The following NPHP4 variants were observed in gnomAD, a reference collection of about 807,000 sequenced individuals.
NPHP4 encodes the protein nephrocystin-4.
Under a neutral mutation model 155.8 loss-of-function variants are expected in NPHP4, and 151 were observed. The ratio of observed to expected loss-of-function variants is 0.97; its 90% confidence interval spans 0.85 to 1.11. The LOEUF (loss-of-function observed/expected upper bound fraction) is 1.11. NPHP4 is among the 50% of genes least tolerant of loss of function. The pLI is 0.00. For synonymous variants in NPHP4, 845 were observed against 816.8 expected, an observed-to-expected ratio of 1.03 and a Z score of -0.59; for missense variants, 1,956 against 1,925.7, an observed-to-expected ratio of 1.02 and a Z score of -0.29.
Position 5,909,140 on chromosome 1 carries a change from G to T in NPHP4, c.1503+12C>A. 1 of 1,587,210 alleles carries T rather than the reference G, an allele frequency of 6.3e-7. No homozygotes were observed. The highest frequency in any genetic ancestry group is 8.6e-7 in the Non-Finnish European group (1 of 1,165,024). ...GGAATTCTGAAGGAGGCCGTGGGGG[G>T]CCTGGACTTACCCCTGGTCCCACAG... On this transcript the variant is annotated intron_variant, in intron 12 of 29. Transcript: ENST00000378156.
At chr1:5,891,843 C>A (rs559970032) in intron 16 of NPHP4, among the ~76,000 whole-genome samples, 3 of 152,364 alleles carry the variant, frequency 2.0e-5, no homozygotes, top group Admixed American at 6.5e-5. Flanking sequence ...TCCACCCAGG[C>A]TCCAGCCCCA....
chr1:5,885,081 A>C (rs1643667628), intron 18 of NPHP4, among the ~76,000 whole-genome samples: 1 of 138,736 alleles, frequency 7.2e-6, no homozygotes, highest in South Asian at 2.4e-4. Context: ...CACAACCAAG[A>C]TCAGTGCCCA....
chr1:5,969,861 T>C (rs1557862229), intron 3 of NPHP4, among the ~76,000 whole-genome samples: 1 of 152,238 alleles, frequency 6.6e-6, no homozygotes, highest in Non-Finnish European at 1.5e-5. Flanking sequence ...CTTTAGGTGC[T>C]AAGTAATTAT....
chr1:5,965,495 A>G (rs1557851966), intron 5 of NPHP4, among the ~76,000 whole-genome samples: 2 of 152,172 alleles, frequency 1.3e-5, no homozygotes, highest in African/African-American at 4.8e-5. Flanking sequence ...CAGTTGAAAA[A>G]TAACCTAAAA....
At chr1:5,971,290 C>T (rs1209324284) in intron 3 of NPHP4, among the ~76,000 whole-genome samples, 2 of 152,376 alleles carry the variant, frequency 1.3e-5, no homozygotes, top group Admixed American at 1.3e-4. Context: ...CCCAGAGCTG[C>T]TTGTCTCAGC....
intron 20 of NPHP4, among the ~76,000 whole-genome samples, chr1:5,875,667 G>A (rs551548001): frequency 6.6e-6 from 1 of 152,348 alleles, no homozygotes; most frequent in African/African-American, 2.4e-5. Context: ...GGGTTCTACA[G>A]GTTGGAGACT....
chr1:5,865,565 A>C, intron 26 of NPHP4: 3 of 337,442 alleles, frequency 8.9e-6, no homozygotes, highest in East Asian at 4.6e-5. Flanking sequence ...TGTCAAACAA[A>C]TGACAAGGCA....
intron 10 of NPHP4, among the ~76,000 whole-genome samples, chr1:5,931,085 C>T (rs564587033): frequency 2.0e-5 from 3 of 152,112 alleles, no homozygotes; most frequent in Non-Finnish European, 4.4e-5. Context: ...TAGTAATATA[C>T]CCACTCCAGT....
chr1:5,930,914 T>A (rs1409816434), intron 10 of NPHP4, among the ~76,000 whole-genome samples: 1 of 152,220 alleles, frequency 6.6e-6, no homozygotes, highest in Non-Finnish European at 1.5e-5. Context: ...TCCTTTCAGT[T>A]CAATCAGTTT....
intron 16 of NPHP4, among the ~76,000 whole-genome samples, chr1:5,898,727 G>C (rs1009412559): frequency 6.6e-6 from 1 of 152,196 alleles, no homozygotes; most frequent in Non-Finnish European, 1.5e-5. Context: ...TTCAGGGCTG[G>C]GAATTGGCTT....
Position 5,864,467 on chromosome 1 carries a change from C to T in NPHP4, c.3867G>A (p.Leu1289=), listed in dbSNP as rs1313637784. 1.9e-6 allele frequency: 3 copies of T among 1,604,374 alleles called. No homozygotes were observed. Among genetic ancestry groups the T allele is most frequent in the Admixed American group, 1.7e-5 (1 of 58,572 alleles). Residue 1289 remains leucine, a synonymous_variant, in exon 28 of 30, where the codon CTG becomes CTA. Coordinates refer to ENST00000378156, the MANE Select transcript of NPHP4 (RefSeq NM_015102.5). ...CCCTAAGGGGCCTCACGCCAACATGCAGGTCCTGCACCCCACGAGGCGGCA... is the reference window on the plus strand; with the variant it reads ...CCCTAAGGGGCCTCACGCCAACATGTAGGTCCTGCACCCCACGAGGCGGCA... ...FVLPPRGVQD[L]HVGVRPLRAG...
chr1:5,955,117 G>A (rs576321513), intron 6 of NPHP4, among the ~76,000 whole-genome samples: 2 of 151,886 alleles, frequency 1.3e-5, no homozygotes, highest in Admixed American at 1.3e-4. Context: ...AATACCTGTA[G>A]GCACAGGAAA....
chr1:5,960,526 C>T (rs1443267597), intron 6 of NPHP4, among the ~76,000 whole-genome samples: 6 of 152,106 alleles, frequency 3.9e-5, no homozygotes, highest in African/African-American at 1.4e-4. Flanking sequence ...TGCTCTCGGT[C>T]CCCGCCCCTC....
In NPHP4 at chr1:5,907,589, T is replaced by C. The variant is rs978759171; in HGVS notation, c.1504-367A>G. 4.6e-5 allele frequency among the ~76,000 whole-genome samples: 7 copies of C among 152,382 alleles called. No individual in the cohort carries two copies. The South Asian group carries it at 1.0e-3, about 23-fold the overall frequency. ...AGCACCTCCAAGGCCCTGCCAGTTC[T>C]AGCCGCCTGCGTTCCTATCGAACAA... is the stretch of plus-strand genomic sequence containing the variant. On this transcript the variant is annotated intron_variant, in intron 12 of 29. Transcript: ENST00000378156.
chr1:5,912,470 G>A (rs968066323), intron 11 of NPHP4, among the ~76,000 whole-genome samples: 3 of 151,244 alleles, frequency 2.0e-5, no homozygotes, highest in South Asian at 2.1e-4. Context: ...CCCGGGAGGC[G>A]GAGCTTTCGG....
At chr1:5,916,695 C>CG in intron 11 of NPHP4, among the ~76,000 whole-genome samples, 1 of 152,210 alleles carries the variant, frequency 6.6e-6, no homozygotes, top group East Asian at 1.9e-4. Context: ...AAGCATGGTT[C>CG]CCCACAGCTC....
intron 9 of NPHP4, among the ~76,000 whole-genome samples, chr1:5,946,503 T>C (rs1023835914): frequency 3.3e-5 from 5 of 152,360 alleles, no homozygotes; most frequent in African/African-American, 1.2e-4. Context: ...TTATGATACA[T>C]GAAACTTACT....
At chr1:5,967,989 C>T (rs954072242) in intron 4 of NPHP4, among the ~76,000 whole-genome samples, 9 of 152,016 alleles carry the variant, frequency 5.9e-5, no homozygotes, top group Admixed American at 4.6e-4. Context: ...CCCGTATGCC[C>T]GGCTCCTACA....
intron 23 of NPHP4, among the ~76,000 whole-genome samples, chr1:5,872,782 T>C (rs180944776): frequency 1.3e-5 from 2 of 152,362 alleles, no homozygotes; most frequent in Non-Finnish European, 2.9e-5. Flanking sequence ...AAAGCAGCAG[T>C]GTCTCAAGCT....
Sources: gnomAD v4.1 joint callset for allele counts (sites outside exome capture counted in the v4.1 genomes callset) on GRCh38, gnomAD v4.1.1 for gene constraint, MANE v1.5 for transcripts, NCBI Gene and HGNC (gene_info 2026-07-23, HGNC 2026-07-21) for gene names.